Variants in VAT1L observed in about 807,000 individuals in gnomAD.
VAT1L encodes the protein vesicle amine transport 1 like, also known as putative NADPH-dependent quinone oxidoreductase VAT1L.
Under a neutral mutation model 44.1 loss-of-function variants are expected in VAT1L, and 34 were observed. That is an observed-to-expected ratio of 0.77 (90% CI 0.59 to 1.03). VAT1L has a LOEUF of 1.03. VAT1L is among the 50% of genes least tolerant of loss of function. VAT1L has a pLI of 0.00. For missense variants in VAT1L, 615 were observed against 538.8 expected, an observed-to-expected ratio of 1.14 and a Z score of -1.40; for synonymous variants, 253 against 202.2, an observed-to-expected ratio of 1.25 and a Z score of -2.13.
At chr16:77,945,203 A>G (rs936552438) in intron 7 of VAT1L, among the ~76,000 whole-genome samples, 2 of 150,980 alleles carry the variant, frequency 1.3e-5, no homozygotes, top group Non-Finnish European at 3.0e-5. Context: ...GAAGAGCACA[A>G]AAAACATGGC....
In VAT1L at chr16:77,864,996, C is replaced by T. The variant is rs1396904048; in HGVS notation, c.722+2106C>T. Among the ~76,000 whole-genome samples the T allele has an allele frequency of 2.5e-4, 28 of 112,882 alleles. No homozygotes were observed. The Admixed American group carries it at 2.5e-3, about 10-fold the overall frequency. 74.1% of individuals were successfully genotyped at this position (112,882 alleles called of 152,430 possible). On this transcript the variant is annotated intron_variant, in intron 4 of 8. Transcript: ENST00000302536. Reference sequence around the variant, plus strand: ...TTTTTTTTTTTTTTTTTTTTTGAGACGGAGTCTCGCTCTGTCACCCAGGCT... The same window carrying T: ...TTTTTTTTTTTTTTTTTTTTTGAGATGGAGTCTCGCTCTGTCACCCAGGCT...
At chr16:77,974,212 G>A (rs767440244) in intron 8 of VAT1L, among the ~76,000 whole-genome samples, 7 of 152,146 alleles carry the variant, frequency 4.6e-5, no homozygotes, top group Non-Finnish European at 8.8e-5. Context: ...AGAGGGCAAC[G>A]AGAGGGAGGG....
At chr16:77,791,619 T>C (rs142848777) in intron 1 of VAT1L, among the ~76,000 whole-genome samples, 1 of 152,336 alleles carries the variant, frequency 6.6e-6, no homozygotes, top group East Asian at 1.9e-4. Context: ...ATTCCATTTT[T>C]GTCTCCCTTG....
rs116829356 is a variant in VAT1L at position 77,875,113 on chromosome 16, C to T, written c.723-1257C>T. On this transcript the variant is annotated intron_variant, in intron 4 of 8. Coordinates refer to ENST00000302536, the MANE Select transcript of VAT1L (RefSeq NM_020927.3). ...AACTTTCAGGTGAGACTTAAGAGGA[C>T]ACCCCTGTGCAGATAAGAGCTCTAT... Among the ~76,000 whole-genome samples, 171 of 152,316 alleles carry T rather than the reference C, an allele frequency of 1.1e-3. 1 individual carries two copies. Among genetic ancestry groups the T allele is most frequent in the Middle Eastern group, 0.01 (3 of 294 alleles).
At chr16:77,836,439 G>C (rs151215957) in intron 3 of VAT1L, among the ~76,000 whole-genome samples, 6 of 152,168 alleles carry the variant, frequency 3.9e-5, no homozygotes, top group Admixed American at 3.3e-4. Context: ...TAATCAAAGC[G>C]ATGAGGATTA....
intron 7 of VAT1L, among the ~76,000 whole-genome samples, chr16:77,955,284 T>G (rs918593398): frequency 7.9e-5 from 12 of 152,210 alleles, no homozygotes; most frequent in Admixed American, 6.5e-4. Context: ...GAAGCATTTT[T>G]GTTTGTCACA....
chr16:77,916,226 A>G (rs1055960547), intron 7 of VAT1L, among the ~76,000 whole-genome samples: 3 of 152,100 alleles, frequency 2.0e-5, no homozygotes, highest in African/African-American at 7.2e-5. Flanking sequence ...TCGTGCACTC[A>G]ACAGTGGGGA....
rs188212889 is a variant in VAT1L, at chr16:77,793,751, G to A, written c.233+4836G>A. Among the ~76,000 whole-genome samples, 11 of 152,316 alleles carry A rather than the reference G, an allele frequency of 7.2e-5. No individual in the cohort carries two copies. In the East Asian group the frequency reaches 1.9e-3, roughly 27 times the overall value. On this transcript the variant is annotated intron_variant, in intron 1 of 8. Transcript: ENST00000302536. Reference sequence around the variant, plus strand: ...ATGAAAAATGGTTCCAGCCAGTCATGGTTCCATTGGCTGATCTGAAAATGG... The same window carrying A: ...ATGAAAAATGGTTCCAGCCAGTCATAGTTCCATTGGCTGATCTGAAAATGG...
At chr16:77,832,671 A>C (rs183075185) in intron 3 of VAT1L, among the ~76,000 whole-genome samples, 3 of 152,316 alleles carry the variant, frequency 2.0e-5, no homozygotes. Context: ...TTTGGTAACC[A>C]CTCAATGATT....
At chr16:77,869,691 C>T (rs2017010599) in intron 4 of VAT1L, among the ~76,000 whole-genome samples, 2 of 152,070 alleles carry the variant, frequency 1.3e-5, no homozygotes, top group African/African-American at 4.8e-5. Context: ...AAACCACCCA[C>T]TTCGAGCATT....
chr16:77,955,993 T>A (rs1182718276), intron 7 of VAT1L, among the ~76,000 whole-genome samples: 1 of 152,144 alleles, frequency 6.6e-6, no homozygotes, highest in African/African-American at 2.4e-5. Context: ...GCAAAAACAA[T>A]GGGTAAGACC....
intron 7 of VAT1L, among the ~76,000 whole-genome samples, chr16:77,966,038 C>T (rs1181086475): frequency 6.6e-6 from 1 of 151,982 alleles, no homozygotes; most frequent in African/African-American, 2.4e-5. Flanking sequence ...AAACAGTCCC[C>T]CCCAAAAAAG....
chr16:77,817,196 A>C, intron 2 of VAT1L, 146 bp downstream of exon 2: 1 of 1,300,412 alleles, frequency 7.7e-7, no homozygotes, highest in Non-Finnish European at 1.0e-6. Context: ...CAATGTTTAT[A>C]GTCATTAAGG....
At chr16:77,852,880 T>A (rs1271669406) in intron 3 of VAT1L, among the ~76,000 whole-genome samples, 1 of 152,198 alleles carries the variant, frequency 6.6e-6, no homozygotes, top group African/African-American at 2.4e-5. Flanking sequence ...GCTTCGGTTC[T>A]TCCATCTGGG....
rs78386594 is a variant in VAT1L at position 77,814,061 on chromosome 16, C to G, written c.234-2860C>G. Among the ~76,000 whole-genome samples the G allele has an allele frequency of 6.8e-4, 104 of 152,284 alleles. 1 individual carries two copies. In the East Asian group the frequency reaches 0.02, roughly 29 times the overall value. ...GATGTGATGGCAAGCAAGTTACTTA[C>G]GCTCTCTGGGTCTCAATTTTCTGAT... On this transcript the variant is annotated intron_variant, in intron 1 of 8. Transcript: ENST00000302536.
intron 7 of VAT1L, among the ~76,000 whole-genome samples, chr16:77,966,937 A>G (rs1165299848): frequency 1.7e-4 from 2 of 11,564 alleles, no homozygotes; most frequent in African/African-American, 2.7e-4. Context: ...TACTTTAAAA[A>G]AAAAAAAAAA....
chr16:77,866,985 A>G (rs768746936), intron 4 of VAT1L, among the ~76,000 whole-genome samples: 4 of 152,242 alleles, frequency 2.6e-5, no homozygotes, highest in African/African-American at 9.6e-5. Context: ...GAGAATCCAC[A>G]CAAGGGAATC....
At chr16:77,896,352 T>G (rs1252531475) in intron 7 of VAT1L, among the ~76,000 whole-genome samples, 1 of 151,796 alleles carries the variant, frequency 6.6e-6, no homozygotes, top group African/African-American at 2.4e-5. Context: ...GTACTGCTTT[T>G]AGATCCCATG....
At chr16:77,862,477 A>G (rs1266049260) in intron 3 of VAT1L, among the ~76,000 whole-genome samples, 3 of 151,974 alleles carry the variant, frequency 2.0e-5, no homozygotes, top group Non-Finnish European at 4.4e-5. Context: ...TTAACCGGGC[A>G]TGGCAGCATG....
Sources: allele counts gnomAD v4.1 joint callset (sites outside exome capture counted in the v4.1 genomes callset), GRCh38; gene constraint gnomAD v4.1.1; transcripts MANE v1.5; gene names NCBI Gene and HGNC (gene_info 2026-07-23, HGNC 2026-07-21).